Variants in CCDC88B observed in about 807,000 individuals in gnomAD.
CCDC88B encodes coiled-coil domain-containing protein 88B.
Under a neutral mutation model 183.7 loss-of-function variants are expected in CCDC88B, and 138 were observed. That is an observed-to-expected ratio of 0.75 (90% CI 0.65 to 0.87). The LOEUF is 0.87. CCDC88B is among the 40% of genes least tolerant of loss of function. The probability of loss-of-function intolerance (pLI) is 0.00; values close to 1 mark genes in which losing one functional copy is unlikely to be tolerated. For missense variants in CCDC88B, 1,822 were observed against 1,965.6 expected, an observed-to-expected ratio of 0.93 and a Z score of 1.38; for synonymous variants, 835 against 867.5, an observed-to-expected ratio of 0.96 and a Z score of 0.66.
chr11:64,347,640 G>A (rs2036164249), intron 14 of CCDC88B, among the ~76,000 whole-genome samples: 1 of 152,200 alleles, frequency 6.6e-6, no homozygotes, highest in African/African-American at 2.4e-5. Context: ...TCTGTGGGGT[G>A]TGGCTGAGAT....
At chr11:64,341,397 G>A in intron 5 of CCDC88B, 24 bp from the exon 6 acceptor site, 1 of 1,613,926 alleles carries the variant, frequency 6.2e-7, no homozygotes, top group Non-Finnish European at 8.5e-7. Flanking sequence ...TCCTGCACCA[G>A]CTCCCCTTCC....
In CCDC88B at chr11:64,344,184, C is replaced by G. The variant is rs763969420; in HGVS notation, c.1643C>G (p.Pro548Arg). The change falls in exon 14 of 27, where the codon CCC becomes CGC. Residue 548 changes from proline (P) to arginine (R), a missense_variant. Coordinates refer to ENST00000356786, the MANE Select transcript of CCDC88B (RefSeq NM_032251.6). The surrounding 1 kb of genome is among the most constrained non-coding windows in gnomAD (Gnocchi z 4.5). ...DSVLEASAEC[P>R]QAPDSDPQEA... is the part of the protein sequence containing the mutation. ...GTGCTCGAGGCATCAGCTGAGTGTC[C>G]CCAGGCACCTGATTCAGACCCACAG... 1.2e-6 allele frequency: 2 copies of G among 1,612,076 alleles called. No homozygotes were observed. Among genetic ancestry groups the G allele is most frequent in the Non-Finnish European group, 1.7e-6 (2 of 1,179,300 alleles).
chr11:64,342,411 C>T (rs1416569415), intron 9 of CCDC88B, 36 bp downstream of exon 9: 5 of 1,552,746 alleles, frequency 3.2e-6, no homozygotes, highest in Non-Finnish European at 4.4e-6. Flanking sequence ...GCGGCATTCC[C>T]TAACCTCCCC....
Position 64,351,510 on chromosome 11 carries a change from A to G in CCDC88B, c.2993A>G (p.Gln998Arg), listed in dbSNP as rs148681130. ...AMLVAEKAAL[Q>R]GQLQHLEGQL... ...CTGGTGGCAGAGAAGGCAGCTTTGC[A>G]GGGGCAGCTGCAGCACCTGGAGGGG... The change falls in exon 18 of 27, where the codon CAG becomes CGG. Residue 998 changes from glutamine (Q) to arginine (R), a missense_variant. Coordinates refer to ENST00000356786, the MANE Select transcript of CCDC88B (RefSeq NM_032251.6). The G allele has an allele frequency of 5.7e-6, 9 of 1,584,778 alleles. No homozygotes were observed. The highest frequency in any genetic ancestry group is 6.8e-6 in the Non-Finnish European group (8 of 1,172,932).
At chr11:64,341,395 C>T (rs2035845174) in intron 5 of CCDC88B, 26 bp from the exon 6 acceptor site, 2 of 1,613,704 alleles carry the variant, frequency 1.2e-6, no homozygotes, top group Non-Finnish European at 1.7e-6. Flanking sequence ...GATCCTGCAC[C>T]AGCTCCCCTT....
In CCDC88B at chr11:64,351,522, A is replaced by G; in HGVS notation, c.3005A>G (p.Gln1002Arg). The change falls in exon 18 of 27, where the codon CAG becomes CGG. Residue 1002 changes from glutamine to arginine, a missense_variant. Physicochemically the swap from Gln to Arg is conservative, Grantham distance 43. Transcript: ENST00000356786. ...AEKAALQGQL[Q>R]HLEGQLGSLQ... ...AAGGCAGCTTTGCAGGGGCAGCTGC[A>G]GCACCTGGAGGGGCAGCTGGGGAGC... 1 of 1,580,232 alleles carries G rather than the reference A, an allele frequency of 6.3e-7. No individual in the cohort carries two copies. The highest frequency in any genetic ancestry group is 8.5e-7 in the Non-Finnish European group (1 of 1,170,888).
Position 64,345,097 on chromosome 11 carries a change from G to A in CCDC88B, c.2556G>A (p.Glu852=). The A allele has an allele frequency of 6.4e-7, 1 of 1,551,274 alleles. No homozygotes were observed. Among genetic ancestry groups the A allele is most frequent in the South Asian group, 1.2e-5 (1 of 84,716 alleles). Residue 852 remains glutamate (E), a synonymous_variant, in exon 14 of 27, where the codon GAG becomes GAA. Coordinates refer to ENST00000356786, the MANE Select transcript of CCDC88B (RefSeq NM_032251.6). The part of the protein sequence containing the change: ...AEERMQVLES[E]GRQHLEEAER... The stretch of plus-strand genomic sequence containing the variant: ...AACGGATGCAGGTGCTGGAGAGCGA[G>A]GGCCGCCAGCACTTGGAGGAGGCTG...
At chr11:64,347,259 A>G (rs12283639) in intron 14 of CCDC88B, among the ~76,000 whole-genome samples, 9,448 of 152,228 alleles carry the variant, frequency 0.062, 840 homozygotes, top group African/African-American at 0.2. Flanking sequence ...GGCTTTTGCC[A>G]TGGGGGATTG....
Position 64,342,589 on chromosome 11 carries a change from A to T in CCDC88B, c.971A>T (p.Glu324Val), listed in dbSNP as rs1391306619. The T allele has an allele frequency of 6.5e-7, 1 of 1,530,828 alleles. No individual in the cohort carries two copies. The highest frequency in any genetic ancestry group is 8.7e-7 in the Non-Finnish European group (1 of 1,145,210). The allele number at this position is 1,530,828 out of a possible 1,614,324, so 94.8% of individuals were successfully genotyped here. A position where few individuals can be genotyped will look rare whatever the true frequency, so the allele number is the denominator to read the frequency against. Residue 324 changes from glutamate to valine, a missense_variant, in exon 10 of 27, where the codon GAG becomes GTG. By Grantham distance (121) the Glu-to-Val change is moderately radical. Coordinates refer to ENST00000356786, the MANE Select transcript of CCDC88B (RefSeq NM_032251.6). ...LYREEAEALR[E>V]RAGRLPRLQE... ...CGCGAGGAGGCAGAGGCGCTGCGGG[A>T]GCGGGCCGGCCGCCTGCCCCGCCTG...
Position 64,341,603 on chromosome 11 carries a change from C to G in CCDC88B, c.536C>G (p.Thr179Ser). ...SELAAAIQEV[T>S]QPGAGVVLAL... is the part of the protein sequence containing the mutation. ...ACTGCTCTTCCTGCGCCCCAGGTGA[C>G]CCAGCCGGGGGCCGGCGTGGTGCTG... Residue 179 changes from threonine to serine, a missense_variant, in exon 7 of 27, where the codon ACC becomes AGC. By Grantham distance (58) the Thr-to-Ser change is moderately conservative. Coordinates refer to ENST00000356786, the MANE Select transcript of CCDC88B (RefSeq NM_032251.6). 6.2e-7 allele frequency: 1 copy of G among 1,600,866 alleles called. No homozygotes were observed. The highest frequency in any genetic ancestry group is 1.1e-5 in the South Asian group (1 of 89,488).
In CCDC88B at chr11:64,344,760, A is replaced by G; in HGVS notation, c.2219A>G (p.Lys740Arg). 1 of 1,613,912 alleles carries G rather than the reference A, an allele frequency of 6.2e-7. No individual in the cohort carries two copies. Among genetic ancestry groups the G allele is most frequent in the Non-Finnish European group, 8.5e-7 (1 of 1,179,984 alleles). Residue 740 changes from lysine (K) to arginine (R), a missense_variant, in exon 14 of 27, where the codon AAG (lysine) becomes AGG (arginine). Lys to Arg is a conservative substitution (Grantham distance 26, BLOSUM62 2). Transcript: ENST00000356786. This position sits in a 1 kb window ranked among gnomAD's most constrained non-coding sequence, Gnocchi z 4.5. ...GAGGAGGTGGCACAGTTGAGGAGAA[A>G]GGCTGAGGCCCTTGGAGATGAGCTG... ...LREEVAQLRR[K>R]AEALGDELEA...
chr11:64,341,411 C>T lies in CCDC88B; in HGVS notation c.448-10C>T, dbSNP rs1035604338. 6.2e-7 allele frequency: 1 copy of T among 1,613,998 alleles called. No homozygotes were observed. Among genetic ancestry groups the T allele is most frequent in the Non-Finnish European group, 8.5e-7 (1 of 1,179,996 alleles). On this transcript the variant is annotated splice_polypyrimidine_tract_variant and intron_variant, in intron 5 of 26. Coordinates refer to ENST00000356786, the MANE Select transcript of CCDC88B (RefSeq NM_032251.6). ...ATCCTGCACCAGCTCCCCTTCCTGT[C>T]TCCCCTCAGTGTGAGCACCGGGAAC... is the stretch of plus-strand genomic sequence containing the variant.
At chr11:64,353,630 G>C in intron 22 of CCDC88B, 85 bp from the exon 23 acceptor site, 1 of 1,586,120 alleles carries the variant, frequency 6.3e-7, no homozygotes, top group South Asian at 1.1e-5. Context: ...CACGGGACCA[G>C]TGCGTCCTCG....
In CCDC88B at chr11:64,351,294, C is replaced by T. The variant is rs369314085; in HGVS notation, c.2958+39C>T. On this transcript the variant is annotated intron_variant, in intron 17 of 26. Coordinates refer to ENST00000356786, the MANE Select transcript of CCDC88B (RefSeq NM_032251.6). ...CACAGTGGGCCCTGGGGAGGTGCCC[C>T]GTGCAGTGTGAGTGTGGGTCCACGG... 695 of 1,497,318 alleles carry T rather than the reference C, an allele frequency of 4.6e-4. 5 individuals are homozygous for T. In the African/African-American group the frequency reaches 8.9e-3, roughly 19 times the overall value. The allele number at this position is 1,497,318 out of a possible 1,614,324, so 92.8% of individuals were successfully genotyped here.
rs1591269931 is a variant in CCDC88B, at chr11:64,340,328, T to G, written c.60+2T>G. ...CTGAGTGGGAGTCTGGCTACCTGGG[T>G]GAGGGGGCAGGTGGCAGCGGGTTGG... On this transcript the variant is annotated splice_donor_variant, in intron 1 of 26. Transcript: ENST00000356786. LOFTEE classifies it high-confidence loss of function. 7.8e-7 allele frequency: 1 copy of G among 1,278,694 alleles called. No homozygotes were observed. Among genetic ancestry groups the G allele is most frequent in the Non-Finnish European group, 1.0e-6 (1 of 1,004,192 alleles). 79.2% of individuals were successfully genotyped at this position (1,278,694 alleles called of 1,614,324 possible).
At chr11:64,348,940 G>T (rs1368334149) in intron 14 of CCDC88B, 2 of 703,774 alleles carry the variant, frequency 2.8e-6, no homozygotes, top group African/African-American at 1.8e-5. Flanking sequence ...TCTCTCACCC[G>T]ACCCACCTCT....
intron 7 of CCDC88B, 72 bp downstream of exon 7, chr11:64,341,814 G>T: frequency 1.3e-6 from 2 of 1,531,280 alleles, no homozygotes; most frequent in Non-Finnish European, 1.7e-6. Flanking sequence ...GTTGTGCAAG[G>T]GAGATGGAAG....
At chr11:64,355,673 G>T in intron 26 of CCDC88B, 45 bp downstream of exon 26, 1 of 1,524,390 alleles carries the variant, frequency 6.6e-7, no homozygotes, top group East Asian at 2.3e-5. Flanking sequence ...TGTCCTGCCT[G>T]GGGCCCCTGG....
chr11:64,344,374 GACCAAAATTCA>G lies in CCDC88B; in HGVS notation c.1834_1844del (p.Thr612GlyfsTer22), dbSNP rs1338040172. ...CTGTGGCCCCACCTCAGGGTCCAGG[GACCAAAATTCA>G]GGCCCCGCAGTTGCTGGGAGGAGAG... On this transcript the variant is annotated frameshift_variant, in exon 14 of 27. Coordinates refer to ENST00000356786, the MANE Select transcript of CCDC88B (RefSeq NM_032251.6). LOFTEE classifies it high-confidence loss of function. The surrounding 1 kb of genome is among the most constrained non-coding windows in gnomAD (Gnocchi z 4.5). The G allele has an allele frequency of 2.5e-6, 4 of 1,584,726 alleles. No homozygotes were observed. The East Asian group carries it at 9.0e-5, about 36-fold the overall frequency.
Sources: allele counts gnomAD v4.1 joint callset (sites outside exome capture counted in the v4.1 genomes callset), GRCh38; gene constraint gnomAD v4.1.1; non-coding constraint Gnocchi (gnomAD v3.1); transcripts MANE v1.5; gene names NCBI Gene and HGNC (gene_info 2026-07-23, HGNC 2026-07-21).